Variants in LSP1 observed in about 807,000 individuals in gnomAD.
The protein encoded by LSP1 is lymphocyte-specific protein 1.
LSP1 carries 32 observed loss-of-function variants against 49.3 expected under a neutral mutation model. The observed-to-expected ratio is 0.65, with a 90% CI of 0.49 to 0.87. LSP1 has a LOEUF of 0.87. LSP1 is among the 40% of genes least tolerant of loss of function. The pLI is 0.00. For missense variants in LSP1, 428 were observed against 442.6 expected (o/e 0.97, Z 0.30); for synonymous variants, 179 against 178.8 (o/e 1.00, Z -0.01).
At chr11:1,874,070 C>CGG in intron 1 of LSP1, among the ~76,000 whole-genome samples, 1 of 111,742 alleles carries the variant, frequency 8.9e-6, no homozygotes, top group Admixed American at 1.1e-4. Context: ...GGGAGGCCGG[C>CGG]AGAGGAGGGA....
At chr11:1,888,295 C>T (rs1047842462) in intron 10 of LSP1, among the ~76,000 whole-genome samples, 2 of 152,190 alleles carry the variant, frequency 1.3e-5, no homozygotes, top group Non-Finnish European at 2.9e-5. Context: ...GAGTAGGCCC[C>T]TCCACTCTCC....
chr11:1,878,115 C>G (rs1848387491), intron 1 of LSP1, among the ~76,000 whole-genome samples: 1 of 152,150 alleles, frequency 6.6e-6, no homozygotes, highest in Admixed American at 6.5e-5. Flanking sequence ...CCCAGGGACA[C>G]ACACCCCAGC....
At chr11:1,890,609 C>A in intron 10 of LSP1, 1 of 696,850 alleles carries the variant, frequency 1.4e-6, no homozygotes, top group South Asian at 1.5e-5. Flanking sequence ...GTGGGAGGGA[C>A]AGTGGTCAGG....
chr11:1,880,446 G>C (rs1426806660), intron 2 of LSP1, among the ~76,000 whole-genome samples: 1 of 152,026 alleles, frequency 6.6e-6, no homozygotes, highest in Non-Finnish European at 1.5e-5. Flanking sequence ...CCTCCTGGGC[G>C]CTGACCCAGG....
chr11:1,885,846 C>T (rs569658325), intron 7 of LSP1, among the ~76,000 whole-genome samples: 4 of 151,900 alleles, frequency 2.6e-5, no homozygotes, highest in East Asian at 3.9e-4. Context: ...ACCCAATCAG[C>T]GCCCTTCTAG....
rs1347018258 is a variant in LSP1 at position 1,884,507 on chromosome 11, G to T, written c.643G>T (p.Val215Leu). The T allele has an allele frequency of 1.9e-6, 3 of 1,613,792 alleles. No homozygotes were observed. Among genetic ancestry groups the T allele is most frequent in the Non-Finnish European group, 2.5e-6 (3 of 1,179,818 alleles). The change falls in exon 7 of 11, where the codon GTG (valine) becomes TTG (leucine). Residue 215 changes from valine (V) to leucine (L), a missense_variant. Transcript: ENST00000311604. This position sits in a 1 kb window ranked among gnomAD's most constrained non-coding sequence, Gnocchi z 4.1. ...LNRSIEKSNS[V>L]KKSQPDLPIS... Reference sequence around the variant, plus strand: ...ACATCTTCTACCCTCCAGTAACAGTGTGAAGAAATCCCAGCCAGACTTGCC... The same window carrying T: ...ACATCTTCTACCCTCCAGTAACAGTTTGAAGAAATCCCAGCCAGACTTGCC...
chr11:1,889,744 G>C, intron 10 of LSP1: 4 of 657,292 alleles, frequency 6.1e-6, no homozygotes, highest in Non-Finnish European at 1.1e-5. Context: ...AGGCTGTGCG[G>C]TGAGGACTCC....
chr11:1,862,787 TCCCCTGGGTGATCTCAC>T (rs1565072146), intron 1 of LSP1, among the ~76,000 whole-genome samples: 3 of 150,946 alleles, frequency 2.0e-5, no homozygotes, highest in African/African-American at 7.3e-5. Context: ...TGATCTCACC[TCCCCTGGGTGATCTCAC>T]CTCCCCCAGG....
chr11:1,888,314 G>A (rs554362274), intron 10 of LSP1, among the ~76,000 whole-genome samples: 2 of 152,266 alleles, frequency 1.3e-5, no homozygotes, highest in South Asian at 4.1e-4. Context: ...CCCCACCAGG[G>A]CCACAGCCCC....
At chr11:1,888,762 C>T (rs927391949) in intron 10 of LSP1, 4 of 188,672 alleles carry the variant, frequency 2.1e-5, no homozygotes, top group African/African-American at 9.3e-5. Context: ...CAAAAGGTGA[C>T]AGCAAAAGGG....
intron 1 of LSP1, among the ~76,000 whole-genome samples, chr11:1,856,420 G>A (rs921733676): frequency 1.1e-4 from 16 of 152,226 alleles, no homozygotes; most frequent in Admixed American, 3.9e-4. Context: ...TCACCCAACC[G>A]CCCTGCTCCT....
intron 10 of LSP1, chr11:1,890,380 C>T (rs377718111): frequency 2.0e-5 from 14 of 716,626 alleles, no homozygotes; most frequent in East Asian, 2.7e-5. Context: ...GCCTCACTCA[C>T]GGGGGACAGG....
intron 3 of LSP1, among the ~76,000 whole-genome samples, chr11:1,883,113 A>G (rs981072431): frequency 6.6e-6 from 1 of 152,210 alleles, no homozygotes; most frequent in African/African-American, 2.4e-5. Context: ...AGGCCCAGCC[A>G]CAAAGCTGGG....
intron 1 of LSP1, chr11:1,859,474 C>A: frequency 6.5e-6 from 1 of 154,644 alleles, no homozygotes; most frequent in Non-Finnish European, 1.5e-5. Context: ...GTGGAACCTA[C>A]ACTTTTGACA....
At chr11:1,887,863 G>A (rs1369168595) in intron 10 of LSP1, among the ~76,000 whole-genome samples, 1 of 152,202 alleles carries the variant, frequency 6.6e-6, no homozygotes, top group East Asian at 1.9e-4. Flanking sequence ...AAAAGCCACA[G>A]CAGGGCTCGT....
chr11:1,853,970 G>T (rs1475469362), intron 1 of LSP1, among the ~76,000 whole-genome samples: 1 of 152,196 alleles, frequency 6.6e-6, no homozygotes, highest in Non-Finnish European at 1.5e-5. Flanking sequence ...TAGTAACTGG[G>T]CTCCCTGGCA....
At chr11:1,879,119 C>T (rs954290504) in intron 1 of LSP1, among the ~76,000 whole-genome samples, 12 of 152,076 alleles carry the variant, frequency 7.9e-5, no homozygotes, top group South Asian at 2.1e-4. Context: ...CTGAGGCGGG[C>T]GGATCACCTG....
At chr11:1,854,198 C>T (rs1016498444) in intron 1 of LSP1, among the ~76,000 whole-genome samples, 3 of 152,054 alleles carry the variant, frequency 2.0e-5, no homozygotes, top group African/African-American at 4.8e-5. Flanking sequence ...AGCAGGTCAG[C>T]GGGGGCTGTG....
chr11:1,877,156 G>A (rs1848346120), intron 1 of LSP1, among the ~76,000 whole-genome samples: 1 of 152,146 alleles, frequency 6.6e-6, no homozygotes, highest in Non-Finnish European at 1.5e-5. Flanking sequence ...GCCGGGGGGC[G>A]CCTTTCCCAG....
Sources: gnomAD v4.1 joint callset for allele counts (sites outside exome capture counted in the v4.1 genomes callset) on GRCh38, gnomAD v4.1.1 for gene constraint, Gnocchi (gnomAD v3.1) non-coding constraint, MANE v1.5 for transcripts, NCBI Gene and HGNC (gene_info 2026-07-23, HGNC 2026-07-21) for gene names.